Variants in INSC observed in about 807,000 individuals in gnomAD.
INSC encodes the protein protein inscuteable homolog.
Under a neutral mutation model 58.6 loss-of-function variants are expected in INSC, and 67 were observed. The ratio of observed to expected loss-of-function variants is 1.14; its 90% CI spans 0.94 to 1.40. The LOEUF (loss-of-function observed/expected upper bound fraction) is 1.40, where lower values mean the gene tolerates loss of function less well. INSC is among the 40% of genes most tolerant of loss of function. The probability of loss-of-function intolerance (pLI) is 0.00; values close to 1 mark genes in which losing one functional copy is unlikely to be tolerated. For missense variants in INSC, 714 were observed against 692.0 expected (o/e 1.03, Z -0.36); for synonymous variants, 262 against 276.1 (o/e 0.95, Z 0.51).
At position 15,193,746 on chromosome 11, in the gene INSC, A is replaced by T. The variant is rs375699661; in HGVS notation, c.693+2932A>T. Among the ~76,000 whole-genome samples, 313 of 152,364 alleles carry T rather than the reference A, an allele frequency of 2.1e-3. 1 individual carries two copies. The highest frequency in any genetic ancestry group is 7.3e-3 in the African/African-American group (302 of 41,578). ...TTGCTATTGTGAATAGTGCCACAAT[A>T]AACATACGTGTGTATGTGTCTTTAT... On this transcript the variant is annotated intron_variant, in intron 6 of 12. Coordinates refer to ENST00000379556, the MANE Select transcript of INSC (RefSeq NM_001042536.3).
At chr11:15,135,448 G>T (rs561821714) in intron 1 of INSC, among the ~76,000 whole-genome samples, 9 of 152,306 alleles carry the variant, frequency 5.9e-5, no homozygotes, top group Admixed American at 2.0e-4. Flanking sequence ...AACATGATTT[G>T]CTGAGAATGA....
chr11:15,234,419 A>AAT (rs1852042494), intron 9 of INSC, among the ~76,000 whole-genome samples: 2 of 152,254 alleles, frequency 1.3e-5, no homozygotes, highest in African/African-American at 4.8e-5. Context: ...GTAAAATAGT[A>AAT]ATATGTGTTA....
chr11:15,267,917 A>G, the INSC span, among the ~76,000 whole-genome samples: 2 of 151,960 alleles, frequency 1.3e-5, no homozygotes, highest in Non-Finnish European at 2.9e-5. Flanking sequence ...AAACAGTTTG[A>G]TAATCTTCAG....
intron 9 of INSC, among the ~76,000 whole-genome samples, chr11:15,229,994 TATATATATATATATATATA>T (rs1564917504): frequency 0.023 from 614 of 27,116 alleles, 14 homozygotes; most frequent in East Asian, 0.033. Flanking sequence ...TATATATATA[TATATATATATATATATATA>T]ATATATATAT....
chr11:15,148,636 A>G (rs1848554577), intron 1 of INSC, among the ~76,000 whole-genome samples: 1 of 138,798 alleles, frequency 7.2e-6, no homozygotes, highest in South Asian at 2.3e-4. Context: ...CACTATGCCG[A>G]TAACAGGGTC....
At chr11:15,135,730 A>G (rs769687154) in intron 1 of INSC, among the ~76,000 whole-genome samples, 3 of 152,220 alleles carry the variant, frequency 2.0e-5, no homozygotes, top group Admixed American at 1.3e-4. Flanking sequence ...TGTTTATTCA[A>G]AACATGGTTT....
chr11:15,240,039 A>G (rs79744717), intron 11 of INSC, among the ~76,000 whole-genome samples: 1,530 of 152,258 alleles, frequency 0.01, 33 homozygotes, highest in African/African-American at 0.034. Flanking sequence ...TTAAAGTGTA[A>G]AAAGAAGTCA....
At chr11:15,119,345 T>C (rs754680254) in intron 1 of INSC, among the ~76,000 whole-genome samples, 24 of 152,190 alleles carry the variant, frequency 1.6e-4, no homozygotes, top group Non-Finnish European at 3.1e-4. Flanking sequence ...GTGCCTTCAC[T>C]TCTCCATGGA....
intron 7 of INSC, among the ~76,000 whole-genome samples, chr11:15,214,924 G>A (rs73426557): frequency 0.014 from 2,163 of 152,252 alleles, 51 homozygotes; most frequent in African/African-American, 0.049. Flanking sequence ...CAGCAAGTGG[G>A]CTCCTCAAAC....
At chr11:15,120,108 A>G (rs557259575) in intron 1 of INSC, among the ~76,000 whole-genome samples, 125 of 152,276 alleles carry the variant, frequency 8.2e-4, no homozygotes, top group African/African-American at 2.9e-3. Context: ...GCATAAAATG[A>G]GAGAACTCAT....
chr11:15,145,445 G>A (rs922048368), intron 1 of INSC, among the ~76,000 whole-genome samples: 1 of 152,118 alleles, frequency 6.6e-6, no homozygotes. Context: ...CTTTGGAAGG[G>A]GTTTATTCTT....
the INSC span, among the ~76,000 whole-genome samples, chr11:15,255,116 C>T: frequency 6.6e-6 from 1 of 152,242 alleles, no homozygotes; most frequent in East Asian, 1.9e-4. Flanking sequence ...AGGATTTGAT[C>T]AAACACTTTC....
At position 15,180,071 on chromosome 11, in the gene INSC, G is replaced by A. The variant is rs778205456; in HGVS notation, c.579+1624G>A. On this transcript the variant is annotated intron_variant, in intron 5 of 12. Coordinates refer to ENST00000379556, the MANE Select transcript of INSC (RefSeq NM_001042536.3). The stretch of plus-strand genomic sequence containing the variant: ...GGAGATCGAAACCATCCTGGCTAAC[G>A]TGGTGAAACCCCATCTGTACTGAAA... 1.6e-4 allele frequency among the ~76,000 whole-genome samples: 25 copies of A among 152,194 alleles called. No individual in the cohort carries two copies. The South Asian group carries it at 1.7e-3, about 10-fold the overall frequency.
chr11:15,211,068 G>C (rs1174871704), intron 7 of INSC, among the ~76,000 whole-genome samples: 1 of 151,980 alleles, frequency 6.6e-6, no homozygotes, highest in Non-Finnish European at 1.5e-5. Context: ...AAGGGGAAGA[G>C]ACTTACTGGA....
At chr11:15,130,890 CATTT>C (rs1263434053) in intron 1 of INSC, among the ~76,000 whole-genome samples, 1 of 151,958 alleles carries the variant, frequency 6.6e-6, no homozygotes, top group Non-Finnish European at 1.5e-5. Flanking sequence ...TTGCCAATAT[CATTT>C]ATTTGTTTCC....
chr11:15,239,314 C>T (rs1047859802), intron 11 of INSC, among the ~76,000 whole-genome samples: 1 of 152,154 alleles, frequency 6.6e-6, no homozygotes, highest in Non-Finnish European at 1.5e-5. Context: ...CAGTGACTCA[C>T]CTGCAGACTG....
At chr11:15,201,346 G>T (rs999003935) in intron 7 of INSC, among the ~76,000 whole-genome samples, 1 of 152,122 alleles carries the variant, frequency 6.6e-6, no homozygotes, top group African/African-American at 2.4e-5. Flanking sequence ...AGCATTGACT[G>T]GGCAAGAGCA....
chr11:15,114,672 A>G (rs944791745), upstream of INSC, among the ~76,000 whole-genome samples: 2 of 152,134 alleles, frequency 1.3e-5, no homozygotes, highest in African/African-American at 4.8e-5. Context: ...CCGCGTCCCC[A>G]TTCCAGCGCT....
chr11:15,240,483 CAG>C lies in INSC; in HGVS notation c.1435_1436del (p.Arg479GlufsTer4). The C allele has an allele frequency of 1.2e-6, 2 of 1,613,934 alleles. No homozygotes were observed. The highest frequency in any genetic ancestry group is 1.7e-6 in the Non-Finnish European group (2 of 1,179,942). ...CTCATCGAGCTCTGCAGATCCCCAT[CAG>C]AGAGGAACAGCAGTGACGCCGTGCT... is the stretch of plus-strand genomic sequence containing the variant. On this transcript the variant is annotated frameshift_variant, in exon 12 of 13. Coordinates refer to ENST00000379556, the MANE Select transcript of INSC (RefSeq NM_001042536.3). LOFTEE classifies it high-confidence loss of function.
Sources: allele counts gnomAD v4.1 joint callset (sites outside exome capture counted in the v4.1 genomes callset), GRCh38; gene constraint gnomAD v4.1.1; transcripts MANE v1.5; gene names NCBI Gene and HGNC (gene_info 2026-07-23, HGNC 2026-07-21).